The following ABCC4 variants were observed in gnomAD, a reference collection of about 807,000 sequenced individuals.
ABCC4 encodes the protein ATP-binding cassette sub-family C member 4.
In ABCC4, 102 loss-of-function variants were observed where a neutral mutation model predicts 168.5. The observed-to-expected ratio is 0.61, with a 90% CI of 0.52 to 0.71. The LOEUF (loss-of-function observed/expected upper bound fraction) is 0.71. Among genes scored for constraint, ABCC4 ranks in the 30% least tolerant of loss-of-function variants. The probability of loss-of-function intolerance (pLI) is 0.00; values close to 1 mark genes in which losing one functional copy is unlikely to be tolerated. For synonymous variants in ABCC4, 617 were observed against 590.7 expected (o/e 1.04, Z -0.65); for missense variants, 1,402 against 1,605.8 (o/e 0.87, Z 2.17).
At position 95,159,342 on chromosome 13, in the gene ABCC4, T is replaced by C. The variant is rs1750995; in HGVS notation, c.2455+1847A>G. Among the ~76,000 whole-genome samples, 401 of 151,988 alleles carry C rather than the reference T, an allele frequency of 2.6e-3. 2 individuals carry two copies. The highest frequency in any genetic ancestry group is 9.2e-3 in the African/African-American group (381 of 41,472). ...TGACCTCTAAACATTTTGGACAAAG[T>C]AGACCTCTCTTGGGGTACTTATTTG... On this transcript the variant is annotated intron_variant, in intron 19 of 30. Coordinates refer to ENST00000645237, the MANE Select transcript of ABCC4 (RefSeq NM_005845.5).
intron 19 of ABCC4, among the ~76,000 whole-genome samples, chr13:95,131,160 G>A (rs1422013856): frequency 6.6e-6 from 1 of 152,042 alleles, no homozygotes; most frequent in Non-Finnish European, 1.5e-5. Context: ...CCTGTCAAAA[G>A]GCAAACAGGA....
chr13:95,237,325 G>A (rs1367565558), intron 3 of ABCC4, among the ~76,000 whole-genome samples: 3 of 152,160 alleles, frequency 2.0e-5, no homozygotes, highest in East Asian at 1.9e-4. Flanking sequence ...AATAAGAAAC[G>A]AAACAACTGG....
intron 20 of ABCC4, among the ~76,000 whole-genome samples, chr13:95,108,841 T>C (rs2035101134): frequency 6.6e-6 from 1 of 152,032 alleles, no homozygotes; most frequent in Non-Finnish European, 1.5e-5. Flanking sequence ...TCTGGAGACC[T>C]GGCACCTGTT....
At chr13:95,232,668 C>T (rs1368626246) in intron 4 of ABCC4, among the ~76,000 whole-genome samples, 1 of 141,218 alleles carries the variant, frequency 7.1e-6, no homozygotes, top group Non-Finnish European at 1.5e-5. Context: ...CAGAGCAAGA[C>T]TTCATCTCAA....
At chr13:95,161,050 TTTCTTGTGGAAA>T (rs2037082369) in intron 19 of ABCC4, 127 bp downstream of exon 19, 2 of 390,396 alleles carry the variant, frequency 5.1e-6, no homozygotes, top group Non-Finnish European at 7.4e-6. Context: ...ATCAGTGAAG[TTTCTTGTGGAAA>T]ATGAATCAAC....
chr13:95,078,640 C>T (rs1296523201), intron 21 of ABCC4, among the ~76,000 whole-genome samples: 1 of 152,150 alleles, frequency 6.6e-6, no homozygotes, highest in Non-Finnish European at 1.5e-5. Context: ...CACCCTGGAA[C>T]TTGGTCAATC....
At chr13:95,026,596 A>G (rs12429994) in intron 30 of ABCC4, among the ~76,000 whole-genome samples, 61,214 of 152,094 alleles carry the variant, frequency 0.4, 13,188 homozygotes, top group East Asian at 0.49. Context: ...AGCATACAAG[A>G]AAAAAGATCT....
intron 11 of ABCC4, among the ~76,000 whole-genome samples, chr13:95,184,164 G>A (rs929022907): frequency 1.3e-5 from 2 of 152,170 alleles, no homozygotes; most frequent in Non-Finnish European, 2.9e-5. Context: ...GACACTATCC[G>A]AGTTACTGGG....
intron 20 of ABCC4, chr13:95,095,838 A>T (rs1333547386): frequency 1.8e-5 from 5 of 278,260 alleles, no homozygotes; most frequent in Non-Finnish European, 3.3e-5. Context: ...TTAGTACAGA[A>T]GGAAGGTATC....
At chr13:95,138,523 T>C (rs2036210183) in intron 19 of ABCC4, among the ~76,000 whole-genome samples, 1 of 152,284 alleles carries the variant, frequency 6.6e-6, no homozygotes, top group South Asian at 2.1e-4. Context: ...AATAAGTTCA[T>C]GTTTAAAACA....
chr13:95,263,123 G>GA (rs1405985363), intron 1 of ABCC4, among the ~76,000 whole-genome samples: 2 of 152,062 alleles, frequency 1.3e-5, no homozygotes, highest in Admixed American at 6.6e-5. Flanking sequence ...GTGCCCTACA[G>GA]AAAAAAACGT....
At position 95,116,133 on chromosome 13, in the gene ABCC4, A is replaced by C. The variant is rs1678394; in HGVS notation, c.2456-132T>G. 0.48 allele frequency: 257,241 copies of C among 534,384 alleles called. 66,632 individuals carry two copies. The highest frequency in any genetic ancestry group is 0.67 in the South Asian group (14,364 of 21,378). The allele number at this position is 534,384 out of a possible 1,614,324, so 33.1% of individuals were successfully genotyped here. ...TATATTATTCATATGAAATAAGCCG[A>C]TGTCAGTGGTAAAGAAAAAGAAAAT... On this transcript the variant is annotated intron_variant, in intron 19 of 30. Transcript: ENST00000645237.
Position 95,178,034 on chromosome 13 carries a change from G to A in ABCC4, c.1603C>T (p.Leu535=), listed in dbSNP as rs58290984. The A allele has an allele frequency of 3.1e-6, 5 of 1,614,178 alleles. No individual in the cohort carries two copies. Among genetic ancestry groups the A allele is most frequent in the Non-Finnish European group, 3.4e-6 (4 of 1,180,016 alleles). ...LTVIGDRGTT[L]SGGQKARVNL... ...ACCCGTGCTTTCTGCCCTCCACTCA[G>A]CGTGGTTCCCCGATCTCCTATCACA... The change falls in exon 12 of 31, where the codon CTG becomes TTG. Residue 535 remains leucine, a synonymous_variant. Transcript: ENST00000645237.
At chr13:95,206,803 T>TA (rs775844996) in intron 7 of ABCC4, 22 bp from the exon 8 acceptor site, 37 of 1,611,494 alleles carry the variant, frequency 2.3e-5, no homozygotes, top group Admixed American at 1.3e-4. Flanking sequence ...TACAGGTTTT[T>TA]AAAAAAGCAG....
intron 25 of ABCC4, among the ~76,000 whole-genome samples, chr13:95,064,470 GTC>G (rs2033443968): frequency 6.8e-6 from 1 of 146,216 alleles, no homozygotes; most frequent in South Asian, 2.3e-4. Flanking sequence ...ACTATATTTT[GTC>G]TCTCTCACAC....
intron 19 of ABCC4, among the ~76,000 whole-genome samples, chr13:95,126,755 TC>T: frequency 1.2e-4 from 5 of 42,462 alleles, no homozygotes; most frequent in Non-Finnish European, 2.7e-4. Flanking sequence ...ATATATATAT[TC>T]CAAAATATAT....
At chr13:95,043,411 C>T in intron 29 of ABCC4, 1 of 384,648 alleles carries the variant, frequency 2.6e-6, no homozygotes, top group Non-Finnish European at 4.7e-6. Flanking sequence ...TGACAGTTAG[C>T]ATCACAAGCT....
At chr13:95,243,473 CGAG>C (rs913541815) in intron 3 of ABCC4, among the ~76,000 whole-genome samples, 12 of 152,168 alleles carry the variant, frequency 7.9e-5, no homozygotes, top group African/African-American at 2.9e-4. Context: ...CTCGTCCATC[CGAG>C]GAGGAGACAA....
intron 4 of ABCC4, among the ~76,000 whole-genome samples, chr13:95,211,450 G>T (rs1237912852): frequency 6.6e-6 from 1 of 152,104 alleles, no homozygotes; most frequent in East Asian, 1.9e-4. Flanking sequence ...GATGAAGGAG[G>T]GACTTTATGG....
Sources: gnomAD v4.1 joint callset for allele counts (sites outside exome capture counted in the v4.1 genomes callset) on GRCh38, gnomAD v4.1.1 for gene constraint, MANE v1.5 for transcripts, NCBI Gene and HGNC (gene_info 2026-07-23, HGNC 2026-07-21) for gene names.